The following NBAS variants were observed in gnomAD, a reference collection of about 807,000 sequenced individuals.
NBAS encodes NAG/BC035112 fusion.
Under a neutral mutation model 302.5 loss-of-function variants are expected in NBAS, and 219 were observed. That is an observed-to-expected ratio of 0.72 (90% CI 0.65 to 0.81). The LOEUF is 0.81. NBAS is among the 30% of genes least tolerant of loss of function. NBAS has a pLI of 0.00. For synonymous variants in NBAS, 1,118 were observed against 1,021.6 expected, an observed-to-expected ratio of 1.09 and a Z score of -1.80; for missense variants, 2,932 against 2,841.6, an observed-to-expected ratio of 1.03 and a Z score of -0.72.
downstream of NBAS, among the ~76,000 whole-genome samples, chr2:15,165,577 C>T (rs923612633): frequency 1.3e-5 from 2 of 152,274 alleles, no homozygotes; most frequent in African/African-American, 2.4e-5. Flanking sequence ...GTGAAGCCGA[C>T]GATGATGGTG....
At chr2:15,098,290 T>TTGTG in the NBAS span, among the ~76,000 whole-genome samples, 1,150 of 3,382 alleles carry the variant, frequency 0.34, 550 homozygotes, top group Non-Finnish European at 0.41. Context: ...ATAATATATA[T>TTGTG]TATATACAAT....
intron 9 of NBAS, among the ~76,000 whole-genome samples, chr2:15,527,146 T>C (rs558594860): frequency 7.6e-5 from 11 of 144,316 alleles, no homozygotes; most frequent in African/African-American, 2.3e-4. Flanking sequence ...GAAAACAAAA[T>C]AGAAAAGGAG....
At chr2:15,531,822 G>A (rs1309114772) in intron 9 of NBAS, among the ~76,000 whole-genome samples, 1 of 152,126 alleles carries the variant, frequency 6.6e-6, no homozygotes, top group Non-Finnish European at 1.5e-5. Flanking sequence ...CCAAGTCTTT[G>A]CAAGTCACCT....
intron 44 of NBAS, among the ~76,000 whole-genome samples, chr2:15,253,130 G>A (rs1191139015): frequency 3.3e-5 from 5 of 152,102 alleles, no homozygotes; most frequent in South Asian, 4.1e-4. Context: ...AACTCTCAAC[G>A]TTTTACTGTG....
the NBAS span, among the ~76,000 whole-genome samples, chr2:14,962,825 AT>A: frequency 1.3e-5 from 2 of 152,142 alleles, no homozygotes; most frequent in Non-Finnish European, 2.9e-5. Context: ...TTTAGATTTC[AT>A]AAAAGGCTTG....
At chr2:15,129,461 C>A in the NBAS span, among the ~76,000 whole-genome samples, 1 of 152,178 alleles carries the variant, frequency 6.6e-6, no homozygotes, top group Non-Finnish European at 1.5e-5. Context: ...CTCCTCGATG[C>A]CCCGCCTCCC....
Position 15,366,620 on chromosome 2 carries a change from G to A in NBAS, c.3777C>T (p.Ser1259=). ...GCTCAGCAAGGCCCAGAAGCTTGGT[G>A]GATTGTTTATAGCATGTGGGGGACT... The part of the protein sequence containing the change: ...ISQSPTCYKQ[S]TKLLGLAELL... The change falls in exon 32 of 52, where the codon TCC becomes TCT. Residue 1259 remains serine (S), a synonymous_variant. Transcript: ENST00000281513. The A allele has an allele frequency of 6.2e-7, 1 of 1,614,110 alleles. No individual in the cohort carries two copies. Among genetic ancestry groups the A allele is most frequent in the Non-Finnish European group, 8.5e-7 (1 of 1,179,996 alleles).
At chr2:15,089,507 A>C in the NBAS span, among the ~76,000 whole-genome samples, 1 of 152,136 alleles carries the variant, frequency 6.6e-6, no homozygotes, top group Non-Finnish European at 1.5e-5. Context: ...GTTTAGAGCT[A>C]GGGCCACAGG....
chr2:15,056,833 CTTTTT>C, the NBAS span, among the ~76,000 whole-genome samples: 1 of 126,096 alleles, frequency 7.9e-6, no homozygotes. Context: ...TTTTTTTTTT[CTTTTT>C]TTTTTTTTTT....
chr2:15,274,386 GC>G (rs1347313177), intron 44 of NBAS, among the ~76,000 whole-genome samples: 1 of 152,126 alleles, frequency 6.6e-6, no homozygotes, highest in African/African-American at 2.4e-5. Context: ...AGGGTACTGG[GC>G]AGACCTGGTG....
At chr2:14,813,525 T>C in the NBAS span, among the ~76,000 whole-genome samples, 5 of 152,142 alleles carry the variant, frequency 3.3e-5, no homozygotes, top group Non-Finnish European at 5.9e-5. Context: ...TAATTTAGGG[T>C]ACCTAGTGGA....
intron 28 of NBAS, among the ~76,000 whole-genome samples, chr2:15,393,240 C>T (rs1675695244): frequency 6.6e-6 from 1 of 151,814 alleles, no homozygotes; most frequent in African/African-American, 2.4e-5. Flanking sequence ...CTCTTCAAAA[C>T]ACAAAGGTAA....
intron 21 of NBAS, among the ~76,000 whole-genome samples, chr2:15,459,768 C>A (rs181372607): frequency 3.3e-5 from 5 of 152,202 alleles, no homozygotes; most frequent in Non-Finnish European, 7.4e-5. Context: ...CGTGAGCCAC[C>A]GCACCTGGCC....
chr2:15,556,557 T>A (rs774377655), intron 3 of NBAS, among the ~76,000 whole-genome samples: 6 of 152,188 alleles, frequency 3.9e-5, no homozygotes, highest in African/African-American at 9.7e-5. Context: ...GCAGAAATTG[T>A]CATGAGACAT....
chr2:15,313,572 T>C (rs557616542), intron 38 of NBAS, among the ~76,000 whole-genome samples: 5 of 152,374 alleles, frequency 3.3e-5, no homozygotes, highest in African/African-American at 9.6e-5. Flanking sequence ...TTTAAGAATG[T>C]GAATGAAGAT....
At chr2:15,295,478 C>T (rs918667914) in intron 40 of NBAS, among the ~76,000 whole-genome samples, 4 of 152,092 alleles carry the variant, frequency 2.6e-5, no homozygotes, top group Non-Finnish European at 4.4e-5. Context: ...GTCTCATCTA[C>T]AAAATAGCAG....
the NBAS span, among the ~76,000 whole-genome samples, chr2:14,830,996 A>C: frequency 1.3e-5 from 2 of 152,316 alleles, no homozygotes; most frequent in East Asian, 1.9e-4. Flanking sequence ...AAGAGGTATA[A>C]GCCAGCCCCA....
At chr2:15,273,727 T>G (rs1274645188) in intron 44 of NBAS, among the ~76,000 whole-genome samples, 2 of 151,930 alleles carry the variant, frequency 1.3e-5, no homozygotes, top group African/African-American at 4.8e-5. Flanking sequence ...CAAAGCCAGG[T>G]TTATATGTCT....
At chr2:15,181,427 CT>C (rs1296218912) in intron 50 of NBAS, among the ~76,000 whole-genome samples, 4 of 152,190 alleles carry the variant, frequency 2.6e-5, no homozygotes, top group Non-Finnish European at 2.9e-5. Context: ...AATACTTACT[CT>C]ATCTTTAAGT....
Sources: gnomAD v4.1 joint callset for allele counts (sites outside exome capture counted in the v4.1 genomes callset) on GRCh38, gnomAD v4.1.1 for gene constraint, MANE v1.5 for transcripts, NCBI Gene and HGNC (gene_info 2026-07-23, HGNC 2026-07-21) for gene names.